Variants in AASDHPPT observed in about 807,000 individuals in gnomAD.
AASDHPPT encodes L-aminoadipate-semialdehyde dehydrogenase-phosphopantetheinyl transferase.
A neutral mutation model predicts 36.4 loss-of-function variants in AASDHPPT; 23 were observed. That is an observed-to-expected ratio of 0.63 (90% CI 0.45 to 0.89). AASDHPPT has a LOEUF of 0.89. AASDHPPT is among the 40% of genes least tolerant of loss of function. The pLI is 0.00. For synonymous variants in AASDHPPT, 115 were observed against 128.0 expected (o/e 0.90, Z 0.68); for missense variants, 377 against 378.2 (o/e 1.00, Z 0.03).
intron 4 of AASDHPPT, chr11:106,092,923 G>A (rs1565412428): frequency 6.6e-6 from 1 of 152,278 alleles, no homozygotes; most frequent in East Asian, 1.9e-4. Flanking sequence ...GGTAGGTTAG[G>A]TGTATTAAGT....
At chr11:106,087,143 G>C (rs1255183196) in intron 2 of AASDHPPT, among the ~76,000 whole-genome samples, 1 of 152,192 alleles carries the variant, frequency 6.6e-6, no homozygotes, top group Non-Finnish European at 1.5e-5. Context: ...TTTCAATCTA[G>C]TGCTTTTTCT....
Position 106,077,842 on chromosome 11 carries a change from G to A in AASDHPPT, c.132G>A (p.Glu44=). 1 of 1,614,200 alleles carries A rather than the reference G, an allele frequency of 6.2e-7. No individual in the cohort carries two copies. Among genetic ancestry groups the A allele is most frequent in the African/African-American group, 1.3e-5 (1 of 75,070 alleles). ...LLAVRSIQPE[E]KERIGQFVFA... Reference sequence around the variant, plus strand: ...CAGTGCGATCGATTCAGCCCGAGGAGAAGGAGCGCATTGGCCAGTTCGTCT... The same window carrying A: ...CAGTGCGATCGATTCAGCCCGAGGAAAAGGAGCGCATTGGCCAGTTCGTCT... Residue 44 remains glutamate, a synonymous_variant, in exon 1 of 6, where the codon GAG becomes GAA. Transcript: ENST00000278618.
At chr11:106,096,679 T>C (rs577928536) in intron 5 of AASDHPPT, 64 bp from the exon 6 acceptor site, 1 of 1,313,124 alleles carries the variant, frequency 7.6e-7, no homozygotes, top group African/African-American at 1.5e-5. Context: ...TTTTCATGAT[T>C]ATGAAATTGA....
At position 106,077,757 on chromosome 11, in the gene AASDHPPT, G is replaced by A; in HGVS notation, c.47G>A (p.Gly16Asp). 1 of 1,614,160 alleles carries A rather than the reference G, an allele frequency of 6.2e-7. No individual in the cohort carries two copies. Among genetic ancestry groups the A allele is most frequent in the Non-Finnish European group, 8.5e-7 (1 of 1,180,002 alleles). ...KRFCLVPSMEGVRWAFSCGTW... is the reference protein window; with the variant it reads ...KRFCLVPSMEDVRWAFSCGTW... ...TTCTGCTTGGTGCCATCCATGGAGG[G>A]CGTGCGCTGGGCCTTTTCCTGCGGC... is the stretch of plus-strand genomic sequence containing the variant. Residue 16 changes from glycine to aspartate, a missense_variant, in exon 1 of 6, where the codon GGC (glycine) becomes GAC (aspartate). By Grantham distance (94) the Gly-to-Asp change is moderately conservative. Transcript: ENST00000278618.
At chr11:106,086,121 G>A (rs1220744976) in intron 2 of AASDHPPT, 31 of 152,136 alleles carry the variant, frequency 2.0e-4, no homozygotes, top group Admixed American at 2.0e-3. Context: ...AGTTTCTTCA[G>A]GCTGCTTAAC....
chr11:106,086,223 C>T (rs552706648), intron 2 of AASDHPPT: 2 of 152,396 alleles, frequency 1.3e-5, no homozygotes, highest in Admixed American at 1.3e-4. Context: ...GGGCCATGGT[C>T]TCTCTGAAGG....
chr11:106,084,336 A>T (rs571120744), intron 2 of AASDHPPT, among the ~76,000 whole-genome samples: 1 of 152,350 alleles, frequency 6.6e-6, no homozygotes, highest in African/African-American at 2.4e-5. Flanking sequence ...AATAACAACA[A>T]AACCTGAATG....
intron 5 of AASDHPPT, among the ~76,000 whole-genome samples, chr11:106,096,275 A>G (rs1468012401): frequency 6.6e-6 from 1 of 152,198 alleles, no homozygotes; most frequent in Non-Finnish European, 1.5e-5. Flanking sequence ...TACAGTTTAA[A>G]TTTAATATTG....
rs1940755 is a variant in AASDHPPT, at chr11:106,097,034, A to G, written c.*127A>G. ...TTTTTTAAAGAACAGAAACTTTTCC[A>G]ATTAAAAAAAAAAAGCAGACTTCTG... On this transcript the variant is annotated 3_prime_UTR_variant, in exon 6 of 6. Coordinates refer to ENST00000278618, the MANE Select transcript of AASDHPPT (RefSeq NM_015423.3). 6.1e-6 allele frequency: 6 copies of G among 979,532 alleles called. No individual in the cohort carries two copies. The highest frequency in any genetic ancestry group is 8.6e-6 in the Non-Finnish European group (6 of 698,022). 60.7% of individuals were successfully genotyped at this position (979,532 alleles called of 1,614,324 possible).
At chr11:106,091,214 A>T in intron 3 of AASDHPPT, 102 bp from the exon 4 acceptor site, 1 of 961,030 alleles carries the variant, frequency 1.0e-6, no homozygotes, top group Non-Finnish European at 1.5e-6. Flanking sequence ...ATATAGCCAT[A>T]ATGTAGTATA....
chr11:106,097,152 C>G lies in AASDHPPT; in HGVS notation c.*245C>G, dbSNP rs1861323948. 2.9e-6 allele frequency: 1 copy of G among 350,804 alleles called. No homozygotes were observed. The highest frequency in any genetic ancestry group is 4.9e-5 in the Admixed American group (1 of 20,296). The allele number at this position is 350,804 out of a possible 1,614,324, so 21.7% of individuals were successfully genotyped here. A position where few individuals can be genotyped will look rare whatever the true frequency, so the allele number is the denominator to read the frequency against. Reference sequence around the variant, plus strand: ...AGGATGGCGGAATCTTAAAGTGATACATGCTAACTGTAGAAAAAAATAGAA... The same window carrying G: ...AGGATGGCGGAATCTTAAAGTGATAGATGCTAACTGTAGAAAAAAATAGAA... On this transcript the variant is annotated 3_prime_UTR_variant, in exon 6 of 6. Coordinates refer to ENST00000278618, the MANE Select transcript of AASDHPPT (RefSeq NM_015423.3).
At chr11:106,091,074 G>T (rs901418117) in intron 3 of AASDHPPT, among the ~76,000 whole-genome samples, 1 of 152,032 alleles carries the variant, frequency 6.6e-6, no homozygotes, top group African/African-American at 2.4e-5. Flanking sequence ...TATGAGGAAG[G>T]TATTGTTATC....
chr11:106,077,929 A>G, intron 1 of AASDHPPT, 36 bp downstream of exon 1: 1 of 1,602,000 alleles, frequency 6.2e-7, no homozygotes, highest in Non-Finnish European at 8.5e-7. Context: ...AGAGCCTAGG[A>G]AGCAGATCTT....
At chr11:106,089,539 C>T (rs992342110) in intron 2 of AASDHPPT, 1 of 152,030 alleles carries the variant, frequency 6.6e-6, no homozygotes, top group African/African-American at 2.4e-5. Context: ...GGAACAGGCT[C>T]TCTGATAGGC....
chr11:106,092,557 A>G (rs1182837200), intron 4 of AASDHPPT: 1 of 152,108 alleles, frequency 6.6e-6, no homozygotes. Flanking sequence ...GAGATTACCT[A>G]AGGAACAGCT....
In AASDHPPT at chr11:106,091,494, A is replaced by G; in HGVS notation, c.693+17A>G. 1 of 1,558,834 alleles carries G rather than the reference A, an allele frequency of 6.4e-7. No individual in the cohort carries two copies. Among genetic ancestry groups the G allele is most frequent in the Non-Finnish European group, 8.6e-7 (1 of 1,159,832 alleles). On this transcript the variant is annotated intron_variant, in intron 4 of 5. Coordinates refer to ENST00000278618, the MANE Select transcript of AASDHPPT (RefSeq NM_015423.3). The stretch of plus-strand genomic sequence containing the variant: ...GCATTTGAGGTAAGAAATTTGTTAG[A>G]ATTGTTAAAACTAAGAATTTCTATT...
chr11:106,090,772 A>C, intron 3 of AASDHPPT, 94 bp downstream of exon 3: 1 of 1,467,684 alleles, frequency 6.8e-7, no homozygotes. Context: ...TAGTGTCCAA[A>C]CAGTGCTTGA....
chr11:106,078,014 C>G (rs1861080925), intron 1 of AASDHPPT, 121 bp downstream of exon 1: 6 of 1,279,082 alleles, frequency 4.7e-6, no homozygotes, highest in Non-Finnish European at 6.3e-6. Context: ...GAGCCTGTGG[C>G]CGGCCCGGGC....
At chr11:106,086,918 G>GA (rs1352969940) in intron 2 of AASDHPPT, among the ~76,000 whole-genome samples, 1 of 152,190 alleles carries the variant, frequency 6.6e-6, no homozygotes, top group Admixed American at 6.5e-5. Flanking sequence ...TTCAAAGCCT[G>GA]AAAATAAAAG....
Sources: gnomAD v4.1 joint callset for allele counts (sites outside exome capture counted in the v4.1 genomes callset) on GRCh38, gnomAD v4.1.1 for gene constraint, MANE v1.5 for transcripts, NCBI Gene and HGNC (gene_info 2026-07-23, HGNC 2026-07-21) for gene names.